The following CAMK4 variants were observed in gnomAD, a reference collection of about 807,000 sequenced individuals.
CAMK4 encodes the protein calcium/calmodulin-dependent protein kinase type IV.
Under a neutral mutation model 44.9 loss-of-function variants are expected in CAMK4, and 22 were observed. That is an observed-to-expected ratio of 0.49 (90% CI 0.35 to 0.70). The LOEUF (loss-of-function observed/expected upper bound fraction) is 0.70, where lower values mean the gene tolerates loss of function less well. Ranked by LOEUF, CAMK4 falls within the 30% of genes least tolerant of loss-of-function variation. The pLI is 0.01. For missense variants in CAMK4, 498 were observed against 586.8 expected, an observed-to-expected ratio of 0.85 and a Z score of 1.56; for synonymous variants, 218 against 215.4, an observed-to-expected ratio of 1.01 and a Z score of -0.11.
At chr5:111,481,357 T>G (rs1397520286) in intron 9 of CAMK4, among the ~76,000 whole-genome samples, 3 of 152,184 alleles carry the variant, frequency 2.0e-5, no homozygotes, top group Non-Finnish European at 4.4e-5. Context: ...AGATTTTTAT[T>G]TACTACCATG....
intron 1 of CAMK4, among the ~76,000 whole-genome samples, chr5:111,281,984 AG>A (rs1751038391): frequency 6.6e-6 from 1 of 150,838 alleles, no homozygotes; most frequent in African/African-American, 2.4e-5. Context: ...CGTGAACCCC[AG>A]GGGGCGGAGG....
At chr5:111,320,064 G>A (rs1274983452) in intron 1 of CAMK4, among the ~76,000 whole-genome samples, 7 of 152,130 alleles carry the variant, frequency 4.6e-5, no homozygotes, top group African/African-American at 1.7e-4. Context: ...GGTTATATTG[G>A]ATTCATTAAT....
chr5:111,483,596 C>A (rs1755505629), intron 10 of CAMK4, among the ~76,000 whole-genome samples: 1 of 152,030 alleles, frequency 6.6e-6, no homozygotes, highest in Non-Finnish European at 1.5e-5. Flanking sequence ...ATAAATACCC[C>A]AAATTAAATA....
At chr5:111,338,341 C>G (rs1467097397) in intron 1 of CAMK4, among the ~76,000 whole-genome samples, 2 of 151,104 alleles carry the variant, frequency 1.3e-5, no homozygotes, top group African/African-American at 4.8e-5. Flanking sequence ...GCTAATTAAA[C>G]ATTTGTATCC....
intron 1 of CAMK4, among the ~76,000 whole-genome samples, chr5:111,265,381 TACTA>T (rs1204016790): frequency 1.3e-5 from 2 of 152,252 alleles, no homozygotes; most frequent in East Asian, 3.8e-4. Flanking sequence ...GTCATCTGGC[TACTA>T]AACCATCTTT....
At chr5:111,456,034 C>T (rs183848665) in intron 7 of CAMK4, among the ~76,000 whole-genome samples, 74 of 152,264 alleles carry the variant, frequency 4.9e-4, no homozygotes, top group African/African-American at 1.6e-3. Context: ...TCATCATCCT[C>T]ATCTTTTCTT....
At chr5:111,274,929 T>A (rs1302201034) in intron 1 of CAMK4, among the ~76,000 whole-genome samples, 2 of 152,146 alleles carry the variant, frequency 1.3e-5, no homozygotes, top group Non-Finnish European at 2.9e-5. Flanking sequence ...AAGTCCAGTA[T>A]ATTGTTATAT....
At chr5:111,440,935 C>G (rs926817540) in intron 5 of CAMK4, among the ~76,000 whole-genome samples, 2 of 152,174 alleles carry the variant, frequency 1.3e-5, no homozygotes, top group African/African-American at 4.8e-5. Context: ...CATAGAATAT[C>G]TACTACATGC....
In CAMK4 at chr5:111,492,503, T is replaced by A. The variant is rs185386451; in HGVS notation, c.*8037T>A. On this transcript the variant is annotated 3_prime_UTR_variant, in exon 11 of 11. Transcript: ENST00000282356. ...AGGATTCCACATTCTCCCCTGCCCATCTTCTTGATTGCTCAGTTTGAAGAC... is the reference window on the plus strand; with the variant it reads ...AGGATTCCACATTCTCCCCTGCCCAACTTCTTGATTGCTCAGTTTGAAGAC... 85 of 152,294 alleles carry A rather than the reference T, an allele frequency of 5.6e-4. No homozygotes were observed. Among genetic ancestry groups the A allele is most frequent in the Admixed American group, 5.5e-3 (84 of 15,288 alleles). The allele number at this position is 152,294 out of a possible 1,614,324, so 9.4% of individuals were successfully genotyped here.
intron 4 of CAMK4, among the ~76,000 whole-genome samples, chr5:111,393,912 G>A (rs1288219664): frequency 4.7e-5 from 7 of 150,080 alleles, no homozygotes; most frequent in Non-Finnish European, 1.0e-4. Context: ...TACCAAGCAG[G>A]GAAACTCTAA....
Position 111,396,345 on chromosome 5 carries a change from T to C in CAMK4, c.459+1563T>C, listed in dbSNP as rs184073490. Among the ~76,000 whole-genome samples the C allele has an allele frequency of 2.4e-3, 367 of 152,244 alleles. 1 individual carries two copies. Among genetic ancestry groups the C allele is most frequent in the Non-Finnish European group, 3.6e-3 (246 of 68,028 alleles). On this transcript the variant is annotated intron_variant, in intron 5 of 10. Coordinates refer to ENST00000282356, the MANE Select transcript of CAMK4 (RefSeq NM_001744.6). ...GATGCCAACACAGCTTCTGATTATATAAATACTGAATATCAAATTCATCTT... is the reference window on the plus strand; with the variant it reads ...GATGCCAACACAGCTTCTGATTATACAAATACTGAATATCAAATTCATCTT...
chr5:111,281,230 C>T (rs1361363169), intron 1 of CAMK4, among the ~76,000 whole-genome samples: 1 of 152,172 alleles, frequency 6.6e-6, no homozygotes, highest in Non-Finnish European at 1.5e-5. Flanking sequence ...ACATGCTGGA[C>T]AGTTCTGTGG....
chr5:111,372,455 A>G (rs576590868), intron 2 of CAMK4, among the ~76,000 whole-genome samples: 5 of 152,270 alleles, frequency 3.3e-5, no homozygotes, highest in African/African-American at 1.2e-4. Context: ...CATCTCTCTT[A>G]TCTTAGAAAT....
chr5:111,403,999 A>G (rs1412353239), intron 5 of CAMK4, among the ~76,000 whole-genome samples: 1 of 152,194 alleles, frequency 6.6e-6, no homozygotes, highest in Non-Finnish European at 1.5e-5. Flanking sequence ...AAAAGGTTAC[A>G]GGCTGTAAGG....
chr5:111,393,696 C>T (rs1356160900), intron 4 of CAMK4, among the ~76,000 whole-genome samples: 1 of 151,916 alleles, frequency 6.6e-6, no homozygotes, highest in Non-Finnish European at 1.5e-5. Flanking sequence ...AGGAACAACA[C>T]ACACTGGGGC....
At chr5:111,251,924 T>C (rs138845612) in intron 1 of CAMK4, among the ~76,000 whole-genome samples, 7 of 152,324 alleles carry the variant, frequency 4.6e-5, no homozygotes, top group African/African-American at 1.4e-4. Flanking sequence ...TTATATCTTA[T>C]TGCTACTAAT....
intron 7 of CAMK4, among the ~76,000 whole-genome samples, chr5:111,462,502 T>A (rs892360452): frequency 1.1e-4 from 17 of 152,230 alleles, no homozygotes; most frequent in African/African-American, 4.1e-4. Context: ...CTTTAATGAG[T>A]GAGTGAATGA....
At chr5:111,282,015 C>A (rs1339741256) in intron 1 of CAMK4, among the ~76,000 whole-genome samples, 5 of 150,960 alleles carry the variant, frequency 3.3e-5, no homozygotes, top group African/African-American at 4.9e-5. Context: ...GCCGAGATTG[C>A]GCCACTGCAC....
In CAMK4 at chr5:111,491,098, T is replaced by A. The variant is rs956271880; in HGVS notation, c.*6632T>A. 2 of 152,082 alleles carry A rather than the reference T, an allele frequency of 1.3e-5. No individual in the cohort carries two copies. Among genetic ancestry groups the A allele is most frequent in the Non-Finnish European group, 2.9e-5 (2 of 68,034 alleles). The allele number at this position is 152,082 out of a possible 1,614,324, so 9.4% of individuals were successfully genotyped here. A position where few individuals can be genotyped will look rare whatever the true frequency, so the allele number is the denominator to read the frequency against. On this transcript the variant is annotated 3_prime_UTR_variant, in exon 11 of 11. Transcript: ENST00000282356. ...ACACACATTAAAACTTATGTGCATA[T>A]TTTTTTAAAGAGTAATTTCCACATA...
Sources: gnomAD v4.1 joint callset for allele counts (sites outside exome capture counted in the v4.1 genomes callset) on GRCh38, gnomAD v4.1.1 for gene constraint, MANE v1.5 for transcripts, NCBI Gene and HGNC (gene_info 2026-07-23, HGNC 2026-07-21) for gene names.